Variants in TTC29 observed in about 807,000 individuals in gnomAD.
The protein encoded by TTC29 is tetratricopeptide repeat domain 29, also known as tetratricopeptide repeat protein 29.
In TTC29, 49 loss-of-function variants were observed where a neutral mutation model predicts 58.1. That is an observed-to-expected ratio of 0.84 (90% CI 0.67 to 1.07). The LOEUF (loss-of-function observed/expected upper bound fraction) is 1.07. Among genes scored for constraint, TTC29 ranks in the 50% least tolerant of loss-of-function variants. The pLI is 0.00. For missense variants in TTC29, 582 were observed against 555.6 expected (o/e 1.05, Z -0.48); for synonymous variants, 209 against 196.8 (o/e 1.06, Z -0.52).
At chr4:146,867,257 T>C (rs28709083) in intron 8 of TTC29, among the ~76,000 whole-genome samples, 73,642 of 151,946 alleles carry the variant, frequency 0.48, 18,700 homozygotes, top group African/African-American at 0.62. Flanking sequence ...ATTTATTTAA[T>C]TTTCACATAT....
chr4:146,805,197 A>G (rs371431318), intron 10 of TTC29, among the ~76,000 whole-genome samples: 19 of 152,302 alleles, frequency 1.2e-4, no homozygotes, highest in African/African-American at 4.6e-4. Flanking sequence ...CAACATCAAC[A>G]AAAAGGATGT....
At chr4:146,834,823 T>G (rs2036728) in intron 8 of TTC29, among the ~76,000 whole-genome samples, 47,751 of 151,968 alleles carry the variant, frequency 0.31, 8,181 homozygotes, top group African/African-American at 0.45. Flanking sequence ...GGTTGATATT[T>G]TATTTGCTTC....
At chr4:146,795,140 A>G (rs568856904) in intron 11 of TTC29, among the ~76,000 whole-genome samples, 5 of 152,256 alleles carry the variant, frequency 3.3e-5, no homozygotes, top group African/African-American at 1.2e-4. Context: ...ACGTGAGTAT[A>G]ATGTAGTGTG....
intron 6 of TTC29, among the ~76,000 whole-genome samples, chr4:146,890,673 GC>G: frequency 6.6e-6 from 1 of 152,288 alleles, no homozygotes; most frequent in East Asian, 1.9e-4. Flanking sequence ...CTATGATTGG[GC>G]CTAATGCCCA....
chr4:146,730,066 A>T (rs978450351), intron 11 of TTC29, among the ~76,000 whole-genome samples: 1 of 152,118 alleles, frequency 6.6e-6, no homozygotes, highest in Non-Finnish European at 1.5e-5. Flanking sequence ...TTACCAAGTT[A>T]TCTTATTTTT....
In TTC29 at chr4:146,788,830, G is replaced by A. The variant is rs573504040; in HGVS notation, c.1330+14627C>T. Reference sequence around the variant, plus strand: ...GGTTTCTTGGGGAAGTAAAACTTAAGAAACTTTTGGAAGGGGAAAGGAAAG... The same window carrying A: ...GGTTTCTTGGGGAAGTAAAACTTAAAAAACTTTTGGAAGGGGAAAGGAAAG... On this transcript the variant is annotated intron_variant, in intron 11 of 12. Transcript: ENST00000325106. Among the ~76,000 whole-genome samples, 63 of 152,138 alleles carry A rather than the reference G, an allele frequency of 4.1e-4. 2 individuals are homozygous for A. In the South Asian group the frequency reaches 0.013, roughly 31 times the overall value.
At chr4:146,815,274 C>T (rs573181001) in intron 10 of TTC29, among the ~76,000 whole-genome samples, 2 of 149,202 alleles carry the variant, frequency 1.3e-5, no homozygotes, top group East Asian at 1.9e-4. Flanking sequence ...AGGGTGGATT[C>T]GAGATATATA....
intron 11 of TTC29, among the ~76,000 whole-genome samples, chr4:146,715,519 T>C (rs1379207895): frequency 1.3e-5 from 2 of 152,072 alleles, no homozygotes; most frequent in Non-Finnish European, 2.9e-5. Context: ...CACAGAAAGA[T>C]AAATACTGCA....
intron 4 of TTC29, among the ~76,000 whole-genome samples, chr4:146,919,259 T>C (rs1734431442): frequency 1.3e-5 from 2 of 151,148 alleles, no homozygotes; most frequent in Admixed American, 1.3e-4. Flanking sequence ...ATTCTTGTTC[T>C]TTTCTTTCAG....
At chr4:146,772,361 T>C (rs1022195981) in intron 11 of TTC29, among the ~76,000 whole-genome samples, 1 of 152,162 alleles carries the variant, frequency 6.6e-6, no homozygotes, top group African/African-American at 2.4e-5. Flanking sequence ...TAGGTTATCT[T>C]GCAGAGTTTT....
intron 11 of TTC29, among the ~76,000 whole-genome samples, chr4:146,792,110 T>C (rs1247485234): frequency 6.6e-6 from 1 of 152,186 alleles, no homozygotes; most frequent in Non-Finnish European, 1.5e-5. Flanking sequence ...AGATAATTGG[T>C]GAAGGTGGCT....
intron 6 of TTC29, among the ~76,000 whole-genome samples, chr4:146,886,565 G>A (rs1426729928): frequency 1.3e-5 from 2 of 152,194 alleles, no homozygotes; most frequent in Non-Finnish European, 2.9e-5. Context: ...GGGTAGGGCT[G>A]AGGAGAGAAG....
intron 11 of TTC29, among the ~76,000 whole-genome samples, chr4:146,711,692 G>T: frequency 6.6e-6 from 1 of 152,060 alleles, no homozygotes; most frequent in East Asian, 1.9e-4. Context: ...TTGTATTTCA[G>T]CAGATTTTAT....
intron 11 of TTC29, among the ~76,000 whole-genome samples, chr4:146,733,534 A>G (rs1579551149): frequency 6.6e-6 from 1 of 152,116 alleles, no homozygotes; most frequent in East Asian, 1.9e-4. Flanking sequence ...TTAAAATCTT[A>G]TTAGACCTGT....
chr4:146,845,676 A>C (rs1729117085), intron 8 of TTC29, among the ~76,000 whole-genome samples: 1 of 152,164 alleles, frequency 6.6e-6, no homozygotes, highest in African/African-American at 2.4e-5. Context: ...GACTCTAGGA[A>C]TCTCACCCCA....
chr4:146,933,126 T>C (rs1284739002), intron 4 of TTC29, among the ~76,000 whole-genome samples: 1 of 152,090 alleles, frequency 6.6e-6, no homozygotes, highest in Non-Finnish European at 1.5e-5. Context: ...CTGAATATAG[T>C]AATGAACAGT....
At chr4:146,786,738 A>G (rs149205099) in intron 11 of TTC29, among the ~76,000 whole-genome samples, 1 of 152,336 alleles carries the variant, frequency 6.6e-6, no homozygotes, top group African/African-American at 2.4e-5. Context: ...CAAAGAAGTG[A>G]CCACATAACA....
intron 3 of TTC29, among the ~76,000 whole-genome samples, chr4:146,938,246 A>C (rs2150333391): frequency 6.6e-6 from 1 of 152,262 alleles, no homozygotes; most frequent in African/African-American, 2.4e-5. Flanking sequence ...ACCCTTTTGC[A>C]CCTTTAAAAA....
chr4:146,893,519 T>C (rs1449083374), intron 6 of TTC29, among the ~76,000 whole-genome samples: 2 of 152,148 alleles, frequency 1.3e-5, no homozygotes, highest in East Asian at 1.9e-4. Flanking sequence ...TTACACCTTA[T>C]ACAAAAATTA....
Sources: allele counts gnomAD v4.1 joint callset (sites outside exome capture counted in the v4.1 genomes callset), GRCh38; gene constraint gnomAD v4.1.1; transcripts MANE v1.5; gene names NCBI Gene and HGNC (gene_info 2026-07-23, HGNC 2026-07-21).